The following PDZD2 variants were observed in gnomAD, a reference collection of about 807,000 sequenced individuals.
PDZD2 encodes the protein PDZ domain containing 2.
PDZD2 carries 90 observed loss-of-function variants against 220.7 expected under a neutral mutation model. The ratio of observed to expected loss-of-function variants is 0.41; its 90% CI spans 0.34 to 0.49. PDZD2 has a LOEUF of 0.49. PDZD2 is among the 20% of genes least tolerant of loss of function. The pLI, the probability that PDZD2 is intolerant of heterozygous loss-of-function variation, is 0.28. For synonymous variants in PDZD2, 1,375 were observed against 1,450.5 expected (o/e 0.95, Z 1.18); for missense variants, 3,174 against 3,608.5 (o/e 0.88, Z 3.08).
At chr5:32,107,697 G>C (rs544975872) in intron 24 of PDZD2, among the ~76,000 whole-genome samples, 62 of 152,266 alleles carry the variant, frequency 4.1e-4, no homozygotes, top group African/African-American at 1.4e-3. Context: ...ACCATTTGTT[G>C]ATTAAATACA....
At chr5:31,878,294 C>G (rs1739501817) in intron 2 of PDZD2, among the ~76,000 whole-genome samples, 1 of 152,140 alleles carries the variant, frequency 6.6e-6, no homozygotes, top group Non-Finnish European at 1.5e-5. Context: ...TCCCCAGGGG[C>G]TTTTTTCTTG....
At chr5:32,105,377 T>C (rs1744668141) in intron 24 of PDZD2, among the ~76,000 whole-genome samples, 1 of 152,210 alleles carries the variant, frequency 6.6e-6, no homozygotes, top group Non-Finnish European at 1.5e-5. Flanking sequence ...AAAAATCTCA[T>C]ACTATGATGT....
chr5:31,848,899 A>G (rs1355804807), intron 2 of PDZD2, among the ~76,000 whole-genome samples: 2 of 151,986 alleles, frequency 1.3e-5, no homozygotes, highest in East Asian at 3.9e-4. Context: ...AATACAAAAA[A>G]TTAGCCAGGC....
intron 1 of PDZD2, among the ~76,000 whole-genome samples, chr5:31,688,314 T>C (rs1283893752): frequency 2.0e-5 from 3 of 152,282 alleles, no homozygotes; most frequent in East Asian, 1.9e-4. Flanking sequence ...CCTATGAAAG[T>C]AAAGGCCCTG....
chr5:31,836,228 C>CTTTTTTTTTT (rs34323361), intron 2 of PDZD2, among the ~76,000 whole-genome samples: 2 of 122,172 alleles, frequency 1.6e-5, no homozygotes, highest in Non-Finnish European at 3.3e-5. Flanking sequence ...ATTTTATTGG[C>CTTTTTTTTTT]TTTTTTTTTT....
At chr5:31,863,484 T>C (rs996617013) in intron 2 of PDZD2, among the ~76,000 whole-genome samples, 1 of 152,228 alleles carries the variant, frequency 6.6e-6, no homozygotes, top group African/African-American at 2.4e-5. Flanking sequence ...CTAGAGATTA[T>C]ATACCTGTCT....
chr5:32,004,831 C>T (rs978765707), intron 5 of PDZD2, among the ~76,000 whole-genome samples: 4 of 152,232 alleles, frequency 2.6e-5, no homozygotes, highest in South Asian at 4.1e-4. Context: ...CTTGGGTCCT[C>T]GTGGGGCTGA....
rs369711098 is a variant in PDZD2 at position 31,938,618 on chromosome 5, G to C, written c.477-44537G>C. Among the ~76,000 whole-genome samples the C allele has an allele frequency of 4.0e-4, 35 of 86,722 alleles. 1 individual carries two copies. The East Asian group carries it at 5.4e-3, about 13-fold the overall frequency. The allele number at this position is 86,722 out of a possible 152,430, so 56.9% of individuals were successfully genotyped here. A position where few individuals can be genotyped will look rare whatever the true frequency, so the allele number is the denominator to read the frequency against. On this transcript the variant is annotated intron_variant, in intron 2 of 24. Transcript: ENST00000438447. ...TTTCTCTTTTGCATACTGAATGCTGGCTAGACTTCCACAATCTGAGAGCAT... is the reference window on the plus strand; with the variant it reads ...TTTCTCTTTTGCATACTGAATGCTGCCTAGACTTCCACAATCTGAGAGCAT...
chr5:31,791,248 C>G (rs1268874034), intron 1 of PDZD2, among the ~76,000 whole-genome samples: 2 of 152,054 alleles, frequency 1.3e-5, no homozygotes, highest in African/African-American at 4.8e-5. Flanking sequence ...TTCTCTTTAT[C>G]TCTGATTGCT....
At chr5:31,892,586 GTA>G (rs2150349299) in intron 2 of PDZD2, among the ~76,000 whole-genome samples, 1 of 152,038 alleles carries the variant, frequency 6.6e-6, no homozygotes, top group Non-Finnish European at 1.5e-5. Context: ...CGGGGGTGGT[GTA>G]GGGGAGTCTT....
chr5:32,038,258 C>T (rs143687507), intron 7 of PDZD2, among the ~76,000 whole-genome samples: 3,286 of 68,754 alleles, frequency 0.048, 133 homozygotes, highest in African/African-American at 0.16. Context: ...AGGCCGGGCG[C>T]GGTGGCTCAC....
chr5:31,750,668 G>A (rs1023358677), intron 1 of PDZD2, among the ~76,000 whole-genome samples: 2 of 152,146 alleles, frequency 1.3e-5, no homozygotes, highest in African/African-American at 4.8e-5. Context: ...CAGGCAGAGG[G>A]AACAGCAACT....
intron 2 of PDZD2, among the ~76,000 whole-genome samples, chr5:31,926,953 C>G (rs1744837411): frequency 6.6e-6 from 1 of 152,194 alleles, no homozygotes; most frequent in South Asian, 2.1e-4. Flanking sequence ...TCATCCTAAG[C>G]AAATTAACAC....
intron 2 of PDZD2, among the ~76,000 whole-genome samples, chr5:31,809,322 G>A (rs1754942704): frequency 6.6e-6 from 1 of 152,218 alleles, no homozygotes. Context: ...TTCACAGGCT[G>A]TGTGTGTTTC....
intron 1 of PDZD2, among the ~76,000 whole-genome samples, chr5:31,752,197 A>G (rs1408363278): frequency 1.4e-5 from 2 of 144,900 alleles, no homozygotes; most frequent in African/African-American, 2.5e-5. Flanking sequence ...TCCTACCTCA[A>G]CCTCCCAAGT....
chr5:31,989,424 T>TTTTTTTTTTTTTTTTTTTTTTTTTTTTA (rs1429240437), intron 3 of PDZD2, among the ~76,000 whole-genome samples: 1 of 136,690 alleles, frequency 7.3e-6, no homozygotes, highest in African/African-American at 2.9e-5. Context: ...TTCTTTTCTT[T>TTTTTTTTTTTTTTTTTTTTTTTTTTTTA]TTTTTTTTTT....
intron 23 of PDZD2, chr5:32,100,742 C>A: frequency 2.1e-6 from 1 of 471,804 alleles, no homozygotes; most frequent in Non-Finnish European, 3.9e-6. Flanking sequence ...AATTTGGAGT[C>A]CCCAAGTGTG....
At chr5:31,913,123 C>T (rs1743349339) in intron 2 of PDZD2, among the ~76,000 whole-genome samples, 1 of 152,122 alleles carries the variant, frequency 6.6e-6, no homozygotes, top group South Asian at 2.1e-4. Flanking sequence ...AATCCCAGCA[C>T]TTTGGAAGGC....
chr5:32,084,886 C>G (rs77119875), intron 19 of PDZD2, among the ~76,000 whole-genome samples: 2,778 of 151,890 alleles, frequency 0.018, 76 homozygotes, highest in African/African-American at 0.063. Flanking sequence ...GCACACATCC[C>G]CTTGCCCTGC....
Sources: gnomAD v4.1 joint callset for allele counts (sites outside exome capture counted in the v4.1 genomes callset) on GRCh38, gnomAD v4.1.1 for gene constraint, MANE v1.5 for transcripts, NCBI Gene and HGNC (gene_info 2026-07-23, HGNC 2026-07-21) for gene names.